The following EFNA5 variants were observed in gnomAD, a reference collection of about 807,000 sequenced individuals.
EFNA5 encodes ephrin A5, also known as ephrin-A5.
EFNA5 carries 5 observed loss-of-function variants against 22.9 expected under a neutral mutation model. The ratio of observed to expected loss-of-function variants is 0.22; its 90% CI spans 0.11 to 0.46. EFNA5 has a LOEUF of 0.46. EFNA5 is among the 20% of genes least tolerant of loss of function. The pLI, the probability that EFNA5 is intolerant of heterozygous loss-of-function variation, is 0.99. For missense variants in EFNA5, 237 were observed against 293.3 expected (o/e 0.81, Z 1.40); for synonymous variants, 113 against 112.2 (o/e 1.01, Z -0.04).
intron 1 of EFNA5, among the ~76,000 whole-genome samples, chr5:107,562,203 G>A (rs1748561874): frequency 6.6e-6 from 1 of 151,808 alleles, no homozygotes; most frequent in Admixed American, 6.6e-5. Context: ...TTACTGACAG[G>A]GCAAAAAATT....
At chr5:107,538,373 T>C (rs1747969716) in intron 1 of EFNA5, among the ~76,000 whole-genome samples, 2 of 152,240 alleles carry the variant, frequency 1.3e-5, no homozygotes, top group Non-Finnish European at 2.9e-5. Context: ...CAAAGTACTA[T>C]GCTTGCCATT....
At chr5:107,509,382 G>A (rs1052583445) in intron 1 of EFNA5, among the ~76,000 whole-genome samples, 5 of 150,808 alleles carry the variant, frequency 3.3e-5, no homozygotes, top group Non-Finnish European at 5.9e-5. Flanking sequence ...GCAATGGTGC[G>A]ATCTCAGCTC....
At position 107,571,702 on chromosome 5, in the gene EFNA5, C is replaced by T. The variant is rs185076095; in HGVS notation, c.125+98787G>A. On this transcript the variant is annotated intron_variant, in intron 1 of 4. Coordinates refer to ENST00000333274, the MANE Select transcript of EFNA5 (RefSeq NM_001962.3). ...AATTTTCATGATCCAGTTTCCCCAC[C>T]TTCCTGTCGCATACCCACTGGCAGG... Among the ~76,000 whole-genome samples the T allele has an allele frequency of 2.0e-3, 310 of 152,286 alleles. 1 individual carries two copies. Among genetic ancestry groups the T allele is most frequent in the Non-Finnish European group, 2.2e-3 (153 of 68,032 alleles).
chr5:107,425,766 A>G (rs1748795021), intron 2 of EFNA5, among the ~76,000 whole-genome samples: 1 of 152,226 alleles, frequency 6.6e-6, no homozygotes, highest in Non-Finnish European at 1.5e-5. Context: ...GTGATGGTGA[A>G]ATCTGACTTA....
At chr5:107,556,575 G>A (rs969753294) in intron 1 of EFNA5, among the ~76,000 whole-genome samples, 8 of 151,672 alleles carry the variant, frequency 5.3e-5, no homozygotes, top group African/African-American at 7.3e-5. Flanking sequence ...ATGAAACCCC[G>A]TTTCTAGTAA....
At chr5:107,428,383 T>A (rs1748860282) in intron 1 of EFNA5, among the ~76,000 whole-genome samples, 1 of 152,114 alleles carries the variant, frequency 6.6e-6, no homozygotes, top group South Asian at 2.1e-4. Flanking sequence ...GGCTAATTCA[T>A]CCTAGTTAAA....
chr5:107,519,516 T>C (rs1050312344), intron 1 of EFNA5, among the ~76,000 whole-genome samples: 1 of 152,230 alleles, frequency 6.6e-6, no homozygotes, highest in Non-Finnish European at 1.5e-5. Flanking sequence ...AGAATTTCTA[T>C]ATGATACTGA....
chr5:107,593,341 G>A (rs1048815637), intron 1 of EFNA5, among the ~76,000 whole-genome samples: 3 of 152,162 alleles, frequency 2.0e-5, no homozygotes, highest in African/African-American at 7.2e-5. Flanking sequence ...CTTTGCACCA[G>A]GAGAACAAAT....
chr5:107,417,005 T>TG (rs993998172), intron 2 of EFNA5, among the ~76,000 whole-genome samples: 55 of 142,052 alleles, frequency 3.9e-4, no homozygotes, highest in African/African-American at 1.3e-3. Context: ...AAAATGTCTG[T>TG]GAAAAAAAAA....
chr5:107,514,359 G>A (rs1490260933), intron 1 of EFNA5, among the ~76,000 whole-genome samples: 1 of 152,158 alleles, frequency 6.6e-6, no homozygotes, highest in Admixed American at 6.5e-5. Context: ...CAGAAAGAAA[G>A]CATTTGTGTG....
intron 1 of EFNA5, among the ~76,000 whole-genome samples, chr5:107,594,406 A>G (rs976481819): frequency 3.9e-5 from 6 of 152,162 alleles, no homozygotes; most frequent in African/African-American, 1.4e-4. Context: ...GCAGTCTTCC[A>G]AGGCAGGGGG....
chr5:107,475,455 G>T (rs539899489), intron 1 of EFNA5, among the ~76,000 whole-genome samples: 149 of 152,306 alleles, frequency 9.8e-4, no homozygotes, highest in Non-Finnish European at 1.2e-3. Context: ...TGGTTTATAT[G>T]AACTTTTCAA....
intron 1 of EFNA5, among the ~76,000 whole-genome samples, chr5:107,479,277 G>A (rs944433646): frequency 6.6e-6 from 1 of 151,930 alleles, no homozygotes; most frequent in African/African-American, 2.4e-5. Flanking sequence ...TAACCCCAGG[G>A]GTAAATATGT....
intron 1 of EFNA5, among the ~76,000 whole-genome samples, chr5:107,560,677 A>G (rs918293292): frequency 6.6e-6 from 1 of 152,170 alleles, no homozygotes; most frequent in Non-Finnish European, 1.5e-5. Context: ...TGGTTATCAG[A>G]TTCTTTATCT....
chr5:107,377,049 G>A lies in EFNA5; in HGVS notation c.*4206C>T, dbSNP rs113764860. 1.2e-4 allele frequency: 18 copies of A among 151,616 alleles called. No individual in the cohort carries two copies. The highest frequency in any genetic ancestry group is 4.1e-4 in the African/African-American group (17 of 41,290). The allele number at this position is 151,616 out of a possible 1,614,324, so 9.4% of individuals were successfully genotyped here. On this transcript the variant is annotated 3_prime_UTR_variant, in exon 5 of 5. Coordinates refer to ENST00000333274, the MANE Select transcript of EFNA5 (RefSeq NM_001962.3). The stretch of plus-strand genomic sequence containing the variant: ...ATGTCAGCATTTCAAAACAGCACTC[G>A]ATGAGTAAGTGCAAAGGAACTGCAA...
intron 1 of EFNA5, among the ~76,000 whole-genome samples, chr5:107,511,993 C>T: frequency 6.6e-6 from 1 of 152,312 alleles, no homozygotes; most frequent in Admixed American, 6.5e-5. Context: ...AGATCTTGCT[C>T]ACAAAACACC....
chr5:107,575,606 G>A (rs747584084), intron 1 of EFNA5, among the ~76,000 whole-genome samples: 20 of 152,214 alleles, frequency 1.3e-4, no homozygotes, highest in Non-Finnish European at 2.2e-4. Flanking sequence ...TAGTCATGAT[G>A]ACTGAGATCC....
chr5:107,440,358 TC>T (rs1749224273), intron 1 of EFNA5, among the ~76,000 whole-genome samples: 1 of 152,216 alleles, frequency 6.6e-6, no homozygotes, highest in African/African-American at 2.4e-5. Flanking sequence ...TTTCCACCTA[TC>T]ATCTTAATAA....
At chr5:107,457,326 T>C (rs1294862486) in intron 1 of EFNA5, among the ~76,000 whole-genome samples, 1 of 152,142 alleles carries the variant, frequency 6.6e-6, no homozygotes, top group African/African-American at 2.4e-5. Context: ...ATGAAGGCAC[T>C]CTAGATCCTT....
Sources: gnomAD v4.1 joint callset for allele counts (sites outside exome capture counted in the v4.1 genomes callset) on GRCh38, gnomAD v4.1.1 for gene constraint, MANE v1.5 for transcripts, NCBI Gene and HGNC (gene_info 2026-07-23, HGNC 2026-07-21) for gene names.